IL1R2: variants seen among roughly 807,000 people sequenced by gnomAD.
The protein encoded by IL1R2 is interleukin 1 receptor type 2, also known as interleukin-1 receptor type 2.
IL1R2 carries 46 observed loss-of-function variants against 39.5 expected under a neutral mutation model. The ratio of observed to expected loss-of-function variants is 1.16; its 90% CI spans 0.92 to 1.49. The LOEUF (loss-of-function observed/expected upper bound fraction) is 1.49, where lower values mean the gene tolerates loss of function less well. IL1R2 is among the 40% of genes most tolerant of loss of function. The pLI is 0.00. For missense variants in IL1R2, 537 were observed against 502.0 expected, an observed-to-expected ratio of 1.07 and a Z score of -0.67; for synonymous variants, 207 against 189.6, an observed-to-expected ratio of 1.09 and a Z score of -0.75.
chr2:102,003,023 TCTGTGTCTGTGTCTATGC>T (rs1483499058), intron 1 of IL1R2, among the ~76,000 whole-genome samples: 6,236 of 109,032 alleles, frequency 0.057, 116 homozygotes, highest in East Asian at 0.083. Context: ...TGTGTCTCTG[TCTGTGTCTGTGTCTATGC>T]CTATGTCTAT....
chr2:102,020,954 T>TG (rs976103344), intron 5 of IL1R2, among the ~76,000 whole-genome samples: 3 of 152,142 alleles, frequency 2.0e-5, no homozygotes, highest in African/African-American at 7.2e-5. Context: ...AACTGGAGTC[T>TG]GGGGGCTGTC....
chr2:102,000,548 T>C (rs941216409), intron 1 of IL1R2, among the ~76,000 whole-genome samples: 36 of 152,174 alleles, frequency 2.4e-4, no homozygotes, highest in African/African-American at 6.5e-4. Context: ...CATTTCTAAT[T>C]ATGGATACTT....
chr2:102,004,381 T>G (rs990175117), intron 1 of IL1R2, among the ~76,000 whole-genome samples: 5 of 152,092 alleles, frequency 3.3e-5, no homozygotes, highest in Admixed American at 1.3e-4. Context: ...AGCATTCTTT[T>G]TCCTTCCTTT....
intron 1 of IL1R2, among the ~76,000 whole-genome samples, chr2:101,993,156 A>AC (rs1330270346): frequency 6.6e-6 from 1 of 151,858 alleles, no homozygotes; most frequent in African/African-American, 2.4e-5. Flanking sequence ...GAAAAGCTTG[A>AC]TATTCTAAAG....
intron 5 of IL1R2, among the ~76,000 whole-genome samples, chr2:102,021,305 C>CTTTTTTTTTTTTT (rs546019141): frequency 4.9e-5 from 6 of 122,852 alleles, no homozygotes; most frequent in East Asian, 2.4e-4. Flanking sequence ...CTTTTCTTTT[C>CTTTTTTTTTTTTT]TTTTTTTTTT....
intron 1 of IL1R2, among the ~76,000 whole-genome samples, chr2:102,006,786 G>C (rs1269910866): frequency 6.6e-6 from 1 of 152,366 alleles, no homozygotes. Flanking sequence ...TGGCACGACT[G>C]CTCCCACTTC....
At chr2:102,013,552 AGGAAAG>A (rs1559421398) in intron 3 of IL1R2, among the ~76,000 whole-genome samples, 41 of 90,062 alleles carry the variant, frequency 4.6e-4, no homozygotes, top group Admixed American at 8.9e-4. Context: ...AAAAAAAAAA[AGGAAAG>A]AAAGAAAAGA....
chr2:102,025,663 G>A (rs888954158), intron 7 of IL1R2, among the ~76,000 whole-genome samples: 1 of 152,218 alleles, frequency 6.6e-6, no homozygotes, highest in African/African-American at 2.4e-5. Context: ...TCCAGAGTGA[G>A]AGTCAGCAGT....
At chr2:101,992,200 GAGAGACAGAAAGAGGCAGAGAAAC>G (rs1675362381) in intron 1 of IL1R2, among the ~76,000 whole-genome samples, 189 bp downstream of exon 1, 2 of 151,358 alleles carry the variant, frequency 1.3e-5, no homozygotes, top group Admixed American at 1.3e-4. Flanking sequence ...GAGACAGGCA[GAGAGACAGAAAGAGGCAGAGAAAC>G]AGAGACAGAA....
Position 102,021,582 on chromosome 2 carries a change from G to A in IL1R2, c.689-605G>A, listed in dbSNP as rs1185874941. On this transcript the variant is annotated intron_variant, in intron 5 of 8. Coordinates refer to ENST00000332549, the MANE Select transcript of IL1R2 (RefSeq NM_004633.4). ...ACCTGCCTCGGCCTCCCAAAGTGCC[G>A]GGATTACAGGCGTGAGCCACTGCAC... 3.9e-5 allele frequency among the ~76,000 whole-genome samples: 6 copies of A among 152,272 alleles called. No homozygotes were observed. The East Asian group carries it at 1.2e-3, about 29-fold the overall frequency.
In IL1R2 at chr2:102,024,612, T is replaced by C; in HGVS notation, c.831T>C (p.Asn277=). 8 of 1,614,068 alleles carry C rather than the reference T, an allele frequency of 5.0e-6. No homozygotes were observed. Among genetic ancestry groups the C allele is most frequent in the Non-Finnish European group, 6.8e-6 (8 of 1,179,998 alleles). ...PLTTMLWWTA[N]DTHIESAYPG... is the part of the protein sequence containing the mutation. Reference sequence around the variant, plus strand: ...CCACCATGCTGTGGTGGACGGCCAATGACACCCACATAGAGAGCGCCTACC... The same window carrying C: ...CCACCATGCTGTGGTGGACGGCCAACGACACCCACATAGAGAGCGCCTACC... The change falls in exon 7 of 9, where the codon AAT becomes AAC. Residue 277 remains asparagine, a synonymous_variant. Transcript: ENST00000332549.
Position 102,024,527 on chromosome 2 carries a change from C to G in IL1R2, c.752-6C>G, listed in dbSNP as rs1357999472. The G allele has an allele frequency of 6.2e-7, 1 of 1,609,388 alleles. No homozygotes were observed. The highest frequency in any genetic ancestry group is 1.3e-5 in the African/African-American group (1 of 74,772). On this transcript the variant is annotated splice_region_variant and splice_polypyrimidine_tract_variant and intron_variant, in intron 6 of 8. Coordinates refer to ENST00000332549, the MANE Select transcript of IL1R2 (RefSeq NM_004633.4). ...CAGTTGACGTGCTGTGCCTTGCCAT[C>G]CACAGGGTCAAGACTGACAATCCCG...
intron 4 of IL1R2, among the ~76,000 whole-genome samples, chr2:102,018,936 A>T (rs1183154385): frequency 1.3e-5 from 2 of 152,206 alleles, no homozygotes; most frequent in Non-Finnish European, 2.9e-5. Context: ...TCGGAGTAAG[A>T]TTCTGAAGTG....
chr2:102,022,477 C>T (rs2072475), intron 6 of IL1R2, among the ~76,000 whole-genome samples: 34,545 of 152,182 alleles, frequency 0.23, 4,683 homozygotes, highest in African/African-American at 0.38. Flanking sequence ...AACAGGTATA[C>T]TTTGCTTCAT....
At chr2:102,015,632 C>T (rs1676946318) in intron 3 of IL1R2, among the ~76,000 whole-genome samples, 1 of 152,144 alleles carries the variant, frequency 6.6e-6, no homozygotes, top group Admixed American at 6.5e-5. Context: ...CGTTGAATAT[C>T]TCATGTGATT....
Position 102,015,983 on chromosome 2 carries a change from G to GTAT in IL1R2, c.448_450dup (p.Leu150dup). The GTAT allele has an allele frequency of 6.2e-7, 1 of 1,613,872 alleles. No individual in the cohort carries two copies. The highest frequency in any genetic ancestry group is 8.5e-7 in the Non-Finnish European group (1 of 1,179,780). ...AATTTTAACCTTGTCAACCTCTGGG[G>GTAT]TATTAGTATGCCCTGACCTGAGTGA... On this transcript the variant is annotated inframe_insertion, in exon 4 of 9. Transcript: ENST00000332549.
chr2:102,021,305 C>CTTT (rs546019141), intron 5 of IL1R2, among the ~76,000 whole-genome samples: 497 of 122,790 alleles, frequency 4.0e-3, no homozygotes, highest in South Asian at 0.011. Flanking sequence ...CTTTTCTTTT[C>CTTT]TTTTTTTTTT....
In IL1R2 at chr2:102,022,213, A is replaced by G; in HGVS notation, c.715A>G (p.Ile239Val). Residue 239 changes from isoleucine to valine, a missense_variant, in exon 6 of 9, where the codon ATC becomes GTC. Transcript: ENST00000332549. Reference sequence around the variant, plus strand: ...AAAAAAAGAAGAGACCATTCCTGTGATCATTTCCCCCCTCAAGACCATATC... The same window carrying G: ...AAAAAAAGAAGAGACCATTCCTGTGGTCATTTCCCCCCTCAAGACCATATC... ...KKKKEETIPV[I>V]ISPLKTISAS... The G allele has an allele frequency of 6.2e-7, 1 of 1,613,870 alleles. No homozygotes were observed. Among genetic ancestry groups the G allele is most frequent in the Non-Finnish European group, 8.5e-7 (1 of 1,179,702 alleles).
intron 1 of IL1R2, among the ~76,000 whole-genome samples, chr2:102,001,314 G>A (rs961880841): frequency 1.7e-4 from 26 of 152,200 alleles, no homozygotes; most frequent in African/African-American, 6.3e-4. Flanking sequence ...CCTATGCCTT[G>A]GTGGAACCAT....
Sources: gnomAD v4.1 joint callset for allele counts (sites outside exome capture counted in the v4.1 genomes callset) on GRCh38, gnomAD v4.1.1 for gene constraint, MANE v1.5 for transcripts, NCBI Gene and HGNC (gene_info 2026-07-23, HGNC 2026-07-21) for gene names.